The following IFT56 variants were observed in gnomAD, a reference collection of about 807,000 sequenced individuals.
IFT56 encodes intraflagellar transport protein 56.
the IFT56 span, among the ~76,000 whole-genome samples, chr7:139,169,132 G>A: frequency 6.6e-6 from 1 of 152,062 alleles, no homozygotes; most frequent in Non-Finnish European, 1.5e-5. Context: ...ATTCAGTTTC[G>A]GGTCTAGTTG....
At chr7:139,149,398 T>A in the IFT56 span, among the ~76,000 whole-genome samples, 1 of 151,942 alleles carries the variant, frequency 6.6e-6, no homozygotes, top group Non-Finnish European at 1.5e-5. Flanking sequence ...ATCCTAGATA[T>A]CTCTTTTATC....
chr7:139,187,426 T>C, the IFT56 span: 1 of 1,614,192 alleles, frequency 6.2e-7, no homozygotes, highest in South Asian at 1.1e-5. Flanking sequence ...TTTACTATTC[T>C]GCCAAAGCTT....
the IFT56 span, among the ~76,000 whole-genome samples, chr7:139,179,828 T>C: frequency 3.3e-5 from 5 of 152,214 alleles, no homozygotes; most frequent in Non-Finnish European, 5.9e-5. Flanking sequence ...AAATGTGTCA[T>C]GCAAGTTTAC....
the IFT56 span, chr7:139,173,646 C>G: frequency 1.3e-6 from 1 of 780,908 alleles, no homozygotes; most frequent in South Asian, 1.3e-5. Context: ...ACATTCTTTT[C>G]TTCTGGGATA....
At chr7:139,190,333 C>T in the IFT56 span, 1 of 152,232 alleles carries the variant, frequency 6.6e-6, no homozygotes, top group Non-Finnish European at 1.5e-5. Context: ...GCAAGCTCCA[C>T]CTCCTGGGTT....
chr7:139,167,502 A>G, the IFT56 span, among the ~76,000 whole-genome samples: 2 of 152,228 alleles, frequency 1.3e-5, no homozygotes, highest in Non-Finnish European at 1.5e-5. Context: ...GAGGGTATCT[A>G]TTAAAGAATT....
the IFT56 span, chr7:139,189,595 C>G: frequency 1.8e-6 from 1 of 567,640 alleles, no homozygotes; most frequent in Non-Finnish European, 3.2e-6. Context: ...ACTTAGTCTC[C>G]TGGCTGAACA....
At chr7:139,133,997 G>A in the IFT56 span, 2 of 1,069,056 alleles carry the variant, frequency 1.9e-6, no homozygotes, top group Non-Finnish European at 2.9e-6. Flanking sequence ...GTTCCCACGG[G>A]GGACAGGGAT....
At chr7:139,181,140 T>A in the IFT56 span, 1 of 1,613,116 alleles carries the variant, frequency 6.2e-7, no homozygotes, top group Non-Finnish European at 8.5e-7. Flanking sequence ...TATCTTAAGA[T>A]GGAAACCTCC....
chr7:139,142,167 G>T, the IFT56 span: 1 of 1,370,890 alleles, frequency 7.3e-7, no homozygotes, highest in South Asian at 1.2e-5. Flanking sequence ...AGTAAGGTTT[G>T]GGAAGATTCA....
chr7:139,170,628 A>G, the IFT56 span, among the ~76,000 whole-genome samples: 2 of 152,228 alleles, frequency 1.3e-5, no homozygotes, highest in Non-Finnish European at 2.9e-5. Context: ...TGATGCTGGA[A>G]AAGCATTTGA....
chr7:139,143,259 A>G, the IFT56 span, among the ~76,000 whole-genome samples: 1 of 152,180 alleles, frequency 6.6e-6, no homozygotes, highest in Non-Finnish European at 1.5e-5. Context: ...ATTATATGAA[A>G]ATAATTATTT....
chr7:139,189,528 A>T, the IFT56 span: 1 of 860,140 alleles, frequency 1.2e-6, no homozygotes, highest in Non-Finnish European at 1.9e-6. Flanking sequence ...GCTCTGTTTT[A>T]TTGACATTTT....
the IFT56 span, among the ~76,000 whole-genome samples, chr7:139,136,576 A>T: frequency 6.6e-6 from 1 of 151,990 alleles, no homozygotes; most frequent in Non-Finnish European, 1.5e-5. Context: ...TCAGCCTCCC[A>T]AGTAGCTGAG....
the IFT56 span, chr7:139,181,028 C>A: frequency 1.0e-6 from 1 of 999,848 alleles, no homozygotes; most frequent in Non-Finnish European, 1.5e-6. Context: ...TAATAAGGTG[C>A]AGAAATTATT....
At chr7:139,148,765 C>T in the IFT56 span, among the ~76,000 whole-genome samples, 2 of 138,214 alleles carry the variant, frequency 1.4e-5, no homozygotes, top group African/African-American at 5.2e-5. Flanking sequence ...ACTAAAAATA[C>T]AAAAAATTAG....
chr7:139,137,977 G>A, the IFT56 span: 1 of 1,255,050 alleles, frequency 8.0e-7, no homozygotes, highest in Non-Finnish European at 1.2e-6. Context: ...ACAGAACTGT[G>A]TTTAAAATGT....
the IFT56 span, among the ~76,000 whole-genome samples, chr7:139,149,413 CCTT>C: frequency 6.6e-6 from 1 of 151,784 alleles, no homozygotes; most frequent in African/African-American, 2.4e-5. Context: ...TTTATCTATC[CCTT>C]CTTCTCCTTG....
the IFT56 span, among the ~76,000 whole-genome samples, chr7:139,182,112 A>T: frequency 8.4e-4 from 127 of 151,230 alleles, no homozygotes; most frequent in Non-Finnish European, 1.6e-3. Context: ...GGGCGGGGGG[A>T]GTTGGAAAGG....
Sources: gnomAD v4.1 joint callset for allele counts (sites outside exome capture counted in the v4.1 genomes callset) on GRCh38, gnomAD v4.1.1 for gene constraint, MANE v1.5 for transcripts, NCBI Gene and HGNC (gene_info 2026-07-23, HGNC 2026-07-21) for gene names.